Variants in SYNE1 observed in about 807,000 individuals in gnomAD.
SYNE1 encodes spectrin repeat containing nuclear envelope protein 1.
A neutral mutation model predicts 1,111.0 loss-of-function variants in SYNE1; 616 were observed. The ratio of observed to expected loss-of-function variants is 0.55; its 90% CI spans 0.52 to 0.59. The LOEUF (loss-of-function observed/expected upper bound fraction) is 0.59, where lower values mean the gene tolerates loss of function less well. SYNE1 is among the 20% of genes least tolerant of loss of function. The pLI is 0.00. For missense variants in SYNE1, 10,006 were observed against 10,417.0 expected (o/e 0.96, Z 1.72); for synonymous variants, 3,855 against 3,825.8 (o/e 1.01, Z -0.28).
chr6:152,388,991 A>G (rs925540892), intron 53 of SYNE1, among the ~76,000 whole-genome samples: 1 of 152,160 alleles, frequency 6.6e-6, no homozygotes, highest in Non-Finnish European at 1.5e-5. Context: ...TTTGCTGACC[A>G]TTGTGAGTTA....
rs144274149 is a variant in SYNE1 at position 152,337,015 on chromosome 6, A to G, written c.12354T>C (p.Ile4118=). 1.2e-6 allele frequency: 2 copies of G among 1,612,964 alleles called. No individual in the cohort carries two copies. Among genetic ancestry groups the G allele is most frequent in the African/African-American group, 2.7e-5 (2 of 74,892 alleles). ...AKDIQQTEQT[I]EQKLVQAQNL... Reference sequence around the variant, plus strand: ...TCTGGGCCTGGACAAGCTTTTGTTCAATCTTGAGAAAACACAGAGATAAAA... The same window carrying G: ...TCTGGGCCTGGACAAGCTTTTGTTCGATCTTGAGAAAACACAGAGATAAAA... The change falls in exon 76 of 146, where the codon ATT becomes ATC. Residue 4118 remains isoleucine, a splice_region_variant and synonymous_variant. Transcript: ENST00000367255.
chr6:152,471,938 AG>A, intron 15 of SYNE1, 173 bp from the exon 16 acceptor site: 1 of 678,668 alleles, frequency 1.5e-6, no homozygotes, highest in South Asian at 1.9e-5. Context: ...TTAAAAGCAA[AG>A]CATGAATGAT....
chr6:152,405,896 T>A (rs1408319116), intron 45 of SYNE1, among the ~76,000 whole-genome samples: 3 of 152,192 alleles, frequency 2.0e-5, no homozygotes, highest in African/African-American at 4.8e-5. Flanking sequence ...TTCATGTATA[T>A]TTTTCTGGAC....
intron 8 of SYNE1, among the ~76,000 whole-genome samples, chr6:152,505,827 A>T (rs71549135): frequency 0.52 from 78,864 of 151,720 alleles, 22,181 homozygotes; most frequent in East Asian, 0.76. Context: ...ACCACTGTAA[A>T]TTTTTGTAGA....
intron 74 of SYNE1, among the ~76,000 whole-genome samples, chr6:152,341,099 G>C (rs1002318979): frequency 6.6e-6 from 1 of 152,152 alleles, no homozygotes; most frequent in African/African-American, 2.4e-5. Context: ...TAGACATGCT[G>C]TGTTCCTGTG....
rs1254287489 is a variant in SYNE1, at chr6:152,326,586, T to C, written c.15003A>G (p.Val5001=). The C allele has an allele frequency of 3.7e-6, 6 of 1,614,086 alleles. No homozygotes were observed. The highest frequency in any genetic ancestry group is 5.1e-6 in the Non-Finnish European group (6 of 1,180,046). The change falls in exon 79 of 146, where the codon GTA becomes GTG. Residue 5001 remains valine, a synonymous_variant. Coordinates refer to ENST00000367255, the MANE Select transcript of SYNE1 (RefSeq NM_182961.4). ...CAAGCCAGTCATTGGCTGCTTGAAA[T>C]ACCTGATAATACCTTTGACACTGGC... ...IYSQCQRYYQ[V]FQAANDWLED... is the part of the protein sequence containing the mutation.
At chr6:152,276,764 A>C (rs1003854523) in intron 98 of SYNE1, among the ~76,000 whole-genome samples, 12 of 152,310 alleles carry the variant, frequency 7.9e-5, no homozygotes, top group African/African-American at 2.6e-4. Context: ...GGCCACAAGA[A>C]GGAGCAGATG....
intron 97 of SYNE1, among the ~76,000 whole-genome samples, chr6:152,279,166 T>G (rs2093848348): frequency 8.1e-6 from 1 of 123,562 alleles, no homozygotes; most frequent in African/African-American, 3.4e-5. Flanking sequence ...TTTTTTTTTT[T>G]GAGACAAGGT....
At chr6:152,450,164 G>T (rs2098635692) in intron 27 of SYNE1, among the ~76,000 whole-genome samples, 1 of 152,176 alleles carries the variant, frequency 6.6e-6, no homozygotes, top group Non-Finnish European at 1.5e-5. Flanking sequence ...CACAAGATCT[G>T]ATGGTTTCAT....
At chr6:152,607,327 T>G (rs374236919) in intron 3 of SYNE1, among the ~76,000 whole-genome samples, 1 of 152,144 alleles carries the variant, frequency 6.6e-6, no homozygotes, top group Admixed American at 6.5e-5. Flanking sequence ...AGTTAAAATT[T>G]ACTAGTTCAT....
chr6:152,392,677 G>A (rs214946), intron 51 of SYNE1, among the ~76,000 whole-genome samples: 59,629 of 151,642 alleles, frequency 0.39, 12,182 homozygotes, highest in East Asian at 0.76. Flanking sequence ...CTGCACATGT[G>A]CCCTGGAACT....
intron 21 of SYNE1, 102 bp downstream of exon 21, chr6:152,461,495 T>C: frequency 6.9e-7 from 1 of 1,446,120 alleles, no homozygotes; most frequent in African/African-American, 1.4e-5. Context: ...AAAAGCATCG[T>C]TAACAAGTAA....
intron 95 of SYNE1, among the ~76,000 whole-genome samples, chr6:152,285,207 T>C (rs2094260893): frequency 7.0e-6 from 1 of 143,716 alleles, no homozygotes; most frequent in African/African-American, 2.7e-5. Context: ...CACACCTTCC[T>C]CTCCTTCACT....
chr6:152,549,192 C>G (rs1180340867), intron 3 of SYNE1, among the ~76,000 whole-genome samples: 1 of 152,220 alleles, frequency 6.6e-6, no homozygotes, highest in Non-Finnish European at 1.5e-5. Flanking sequence ...CTCTCTCTCA[C>G]ATCCATACAT....
intron 2 of SYNE1, among the ~76,000 whole-genome samples, chr6:152,629,304 A>C (rs930897319): frequency 1.3e-5 from 2 of 151,838 alleles, no homozygotes; most frequent in Admixed American, 6.6e-5. Flanking sequence ...TCCCGGGTTC[A>C]AGCAATTCTC....
Position 152,416,929 on chromosome 6 carries a change from A to G in SYNE1, c.5508T>C (p.Ala1836=). Residue 1836 remains alanine, a synonymous_variant, in exon 41 of 146, where the codon GCT becomes GCC. Transcript: ENST00000367255. ...HLAKLGSLGR[A]EDLHLLQGKA... ...TTCCCTGCAGGAGGTGGAGGTCCTC[A>G]GCACGGCCCAGAGAACCCAACTTTG... 2 of 1,614,182 alleles carry G rather than the reference A, an allele frequency of 1.2e-6. No homozygotes were observed. Among genetic ancestry groups the G allele is most frequent in the Middle Eastern group, 3.3e-4 (2 of 6,062 alleles).
chr6:152,290,815 A>G (rs1019741022), intron 95 of SYNE1, among the ~76,000 whole-genome samples: 1 of 152,132 alleles, frequency 6.6e-6, no homozygotes, highest in Non-Finnish European at 1.5e-5. Context: ...TAGTAATTCT[A>G]TAACAGTGCT....
intron 40 of SYNE1, among the ~76,000 whole-genome samples, chr6:152,418,979 T>A (rs2098212175): frequency 6.6e-6 from 1 of 152,196 alleles, no homozygotes; most frequent in African/African-American, 2.4e-5. Flanking sequence ...ACTTTAGTCA[T>A]CTGGTTATTC....
chr6:152,359,483 A>G, intron 64 of SYNE1, 25 bp from the exon 65 acceptor site: 1 of 1,614,138 alleles, frequency 6.2e-7, no homozygotes, highest in Non-Finnish European at 8.5e-7. Flanking sequence ...AGAAAAATAA[A>G]GTGGCCATTC....
Sources: allele counts gnomAD v4.1 joint callset (sites outside exome capture counted in the v4.1 genomes callset), GRCh38; gene constraint gnomAD v4.1.1; transcripts MANE v1.5; gene names NCBI Gene and HGNC (gene_info 2026-07-23, HGNC 2026-07-21).